Variants in FREM2 observed in about 807,000 individuals in gnomAD.
FREM2 encodes the protein FRAS1 related extracellular matrix 2.
A neutral mutation model predicts 219.9 loss-of-function variants in FREM2; 119 were observed. That is an observed-to-expected ratio of 0.54 (90% CI 0.47 to 0.63). The LOEUF is 0.63. Ranked by LOEUF, FREM2 falls within the 30% of genes least tolerant of loss-of-function variation. The pLI, the probability that FREM2 is intolerant of heterozygous loss-of-function variation, is 0.00. For missense variants in FREM2, 4,030 were observed against 3,993.6 expected (o/e 1.01, Z -0.25); for synonymous variants, 1,562 against 1,522.8 (o/e 1.03, Z -0.60).
chr13:38,846,736 C>T lies in FREM2; in HGVS notation c.6169+14C>T. On this transcript the variant is annotated intron_variant, in intron 7 of 23. Transcript: ENST00000280481. ...CCTCTGCAGATGGTGAGCAGTTTCCCACTCGGCTCTTTTGATTGTTCTGCA... is the reference window on the plus strand; with the variant it reads ...CCTCTGCAGATGGTGAGCAGTTTCCTACTCGGCTCTTTTGATTGTTCTGCA... 2 of 1,613,342 alleles carry T rather than the reference C, an allele frequency of 1.2e-6. No individual in the cohort carries two copies. The highest frequency in any genetic ancestry group is 1.7e-6 in the Non-Finnish European group (2 of 1,179,446).
In FREM2 at chr13:38,848,509, G is replaced by C. The variant is rs1407426929; in HGVS notation, c.6218G>C (p.Gly2073Ala). Residue 2073 changes from glycine to alanine, a missense_variant, in exon 8 of 24, where the codon GGA (glycine) becomes GCA (alanine). Gly to Ala is a moderately conservative substitution (Grantham distance 60, BLOSUM62 0). This residue lies in a region of FREM2 where 3,102 missense variants were observed against 2,950.7 expected (regional missense o/e 1.05). Transcript: ENST00000280481. ...GISRNLDFAP[G>A]VNMQPVRVVI... ...AGCCGTAATTTAGATTTTGCACCTG[G>C]AGTCAACATGCAGCCTGTTCGTGTT... is the stretch of plus-strand genomic sequence containing the variant. 1 of 1,613,898 alleles carries C rather than the reference G, an allele frequency of 6.2e-7. No individual in the cohort carries two copies. Among genetic ancestry groups the C allele is most frequent in the African/African-American group, 1.3e-5 (1 of 74,878 alleles).
chr13:38,779,001 T>A (rs1873996137), intron 4 of FREM2, among the ~76,000 whole-genome samples: 1 of 152,068 alleles, frequency 6.6e-6, no homozygotes, highest in Non-Finnish European at 1.5e-5. Flanking sequence ...TCAAGTCTTA[T>A]GATAATTTCT....
In FREM2 at chr13:38,689,225, C is replaced by A; in HGVS notation, c.1881C>A (p.Gly627=). 1 of 1,614,090 alleles carries A rather than the reference C, an allele frequency of 6.2e-7. No individual in the cohort carries two copies. The highest frequency in any genetic ancestry group is 8.5e-7 in the Non-Finnish European group (1 of 1,180,024). Residue 627 remains glycine (G), a synonymous_variant, in exon 1 of 24, where the codon GGC becomes GGA. Transcript: ENST00000280481. The stretch of plus-strand genomic sequence containing the variant: ...ATGAGAAGCAGGAACTTCTCAGAGG[C>A]CTTTGGAGGAAGGAGGGGGCATTTT... ...PPHEKQELLR[G]LWRKEGAFYE...
At chr13:38,857,737 T>A in intron 12 of FREM2, 138 bp from the exon 13 acceptor site, 1 of 738,480 alleles carries the variant, frequency 1.4e-6, no homozygotes, top group Non-Finnish European at 2.4e-6. Context: ...CCTGTTGCTC[T>A]CCAGGGGCTC....
rs747561441 is a variant in FREM2 at position 38,784,706 on chromosome 13, G to A, written c.5917G>A (p.Glu1973Lys). Residue 1973 changes from glutamate to lysine, a missense_variant, in exon 6 of 24, where the codon GAG becomes AAG. By Grantham distance (56) the Glu-to-Lys change is moderately conservative (BLOSUM62 1). Coordinates refer to ENST00000280481, the MANE Select transcript of FREM2 (RefSeq NM_207361.6). Reference sequence around the variant, plus strand: ...CATAATTGATGACTCTTTGTACGAGGAGGAGGAAACCTTCCATGTCCTTCT... The same window carrying A: ...CATAATTGATGACTCTTTGTACGAGAAGGAGGAAACCTTCCATGTCCTTCT... The part of the protein sequence containing the change: ...IVIIDDSLYE[E>K]EETFHVLLSM... The A allele has an allele frequency of 6.2e-6, 10 of 1,614,162 alleles. No individual in the cohort carries two copies. Among genetic ancestry groups the A allele is most frequent in the Admixed American group, 3.3e-5 (2 of 60,028 alleles).
At chr13:38,791,462 G>A (rs1195961715) in intron 6 of FREM2, among the ~76,000 whole-genome samples, 4 of 152,204 alleles carry the variant, frequency 2.6e-5, no homozygotes, top group Non-Finnish European at 5.9e-5. Flanking sequence ...CTGCTGTGAA[G>A]AAATACCTGA....
chr13:38,687,629 G>C lies in FREM2; in HGVS notation c.285G>C (p.Leu95=). 2 of 1,609,146 alleles carry C rather than the reference G, an allele frequency of 1.2e-6. No homozygotes were observed. Among genetic ancestry groups the C allele is most frequent in the Non-Finnish European group, 1.7e-6 (2 of 1,177,928 alleles). The change falls in exon 1 of 24, where the codon CTG becomes CTC. Residue 95 remains leucine (L), a synonymous_variant. Transcript: ENST00000280481. ...REVWLDPLHD[L]VLQVQPGDRC... ...TCTGGCTGGATCCCCTGCATGACCT[G>C]GTGTTGCAGGTGCAGCCCGGGGACC...
intron 2 of FREM2, among the ~76,000 whole-genome samples, chr13:38,742,686 C>T (rs1246608088): frequency 6.6e-6 from 1 of 152,068 alleles, no homozygotes; most frequent in Non-Finnish European, 1.5e-5. Context: ...GTGGGGCTTC[C>T]CAGTGAGGTA....
chr13:38,691,543 A>T lies in FREM2; in HGVS notation c.4199A>T (p.Asp1400Val). 6.2e-7 allele frequency: 1 copy of T among 1,614,144 alleles called. No homozygotes were observed. The highest frequency in any genetic ancestry group is 8.5e-7 in the Non-Finnish European group (1 of 1,180,024). ...IRDLIKFDVTDGINPLIDRYF... is the reference protein window; with the variant it reads ...IRDLIKFDVTVGINPLIDRYF... ...GACCTAATTAAATTTGATGTGACTGATGGAATAAATCCCCTCATAGATCGT... is the reference window on the plus strand; with the variant it reads ...GACCTAATTAAATTTGATGTGACTGTTGGAATAAATCCCCTCATAGATCGT... Residue 1400 changes from aspartate to valine, a missense_variant, in exon 1 of 24, where the codon GAT (aspartate) becomes GTT (valine). Physicochemically the swap from Asp to Val is radical, Grantham distance 152. Transcript: ENST00000280481.
intron 2 of FREM2, among the ~76,000 whole-genome samples, chr13:38,742,444 C>G (rs1206424989): frequency 2.0e-5 from 3 of 152,132 alleles, no homozygotes; most frequent in African/African-American, 7.2e-5. Flanking sequence ...GTGAGGAGCT[C>G]CCTGGCAGTA....
chr13:38,819,354 A>G (rs557077640), intron 6 of FREM2, among the ~76,000 whole-genome samples: 1 of 152,260 alleles, frequency 6.6e-6, no homozygotes, highest in East Asian at 1.9e-4. Context: ...CACCACCATT[A>G]CCAGAAAAGG....
chr13:38,864,667 A>G (rs1299652549), intron 16 of FREM2, 61 bp downstream of exon 16: 8 of 1,457,656 alleles, frequency 5.5e-6, no homozygotes, highest in Admixed American at 5.2e-5. Context: ...GTTTTGTCAC[A>G]TAGATTTGTA....
intron 3 of FREM2, among the ~76,000 whole-genome samples, chr13:38,767,446 A>G (rs1289595435): frequency 4.6e-5 from 7 of 152,232 alleles, no homozygotes; most frequent in Admixed American, 4.6e-4. Flanking sequence ...GAACTAGCAG[A>G]CATTCATTGT....
intron 8 of FREM2, among the ~76,000 whole-genome samples, 182 bp downstream of exon 8, chr13:38,848,852 A>T (rs1164650743): frequency 6.6e-6 from 1 of 152,154 alleles, no homozygotes; most frequent in Non-Finnish European, 1.5e-5. Flanking sequence ...TGTTGGCTGG[A>T]AGTCCAAATT....
intron 2 of FREM2, among the ~76,000 whole-genome samples, chr13:38,750,947 G>A (rs1271167056): frequency 6.6e-6 from 1 of 152,004 alleles, no homozygotes; most frequent in Non-Finnish European, 1.5e-5. Flanking sequence ...GCCTGCCTTG[G>A]CCTCCCAAAG....
intron 14 of FREM2, among the ~76,000 whole-genome samples, chr13:38,860,001 G>A (rs1209466863): frequency 4.6e-5 from 7 of 152,092 alleles, no homozygotes; most frequent in Admixed American, 6.6e-5. Flanking sequence ...AAGAGTAGAG[G>A]AAAACAAGCA....
chr13:38,692,747 G>A (rs1869948972), intron 1 of FREM2, among the ~76,000 whole-genome samples: 1 of 152,190 alleles, frequency 6.6e-6, no homozygotes. Flanking sequence ...AAAGTGGCAA[G>A]GATAGGCTGC....
At chr13:38,852,975 G>A (rs1401934350) in intron 11 of FREM2, among the ~76,000 whole-genome samples, 1 of 151,612 alleles carries the variant, frequency 6.6e-6, no homozygotes, top group Admixed American at 6.6e-5. Context: ...CAAAGTGCTT[G>A]GATTAAAGGC....
chr13:38,829,866 G>C (rs182117607), intron 6 of FREM2, among the ~76,000 whole-genome samples: 283 of 152,110 alleles, frequency 1.9e-3, no homozygotes, highest in African/African-American at 6.3e-3. Flanking sequence ...CTTTCCATCA[G>C]TGATTTGCTC....
Sources: allele counts gnomAD v4.1 joint callset (sites outside exome capture counted in the v4.1 genomes callset), GRCh38; gene constraint gnomAD v4.1.1; regional missense constraint gnomAD v4.1.1; transcripts MANE v1.5; gene names NCBI Gene and HGNC (gene_info 2026-07-23, HGNC 2026-07-21).